The following SNX29 variants were observed in gnomAD, a reference collection of about 807,000 sequenced individuals.
SNX29 encodes the protein sorting nexin 29.
In SNX29, 78 loss-of-function variants were observed where a neutral mutation model predicts 102.1. The observed-to-expected ratio is 0.76, with a 90% CI of 0.64 to 0.92. SNX29 has a LOEUF of 0.92. Ranked by LOEUF, SNX29 falls within the 40% of genes least tolerant of loss-of-function variation. The probability of loss-of-function intolerance (pLI) is 0.00; values close to 1 mark genes in which losing one functional copy is unlikely to be tolerated. For synonymous variants in SNX29, 580 were observed against 414.5 expected, an observed-to-expected ratio of 1.40 and a Z score of -4.85; for missense variants, 1,280 against 1,061.7, an observed-to-expected ratio of 1.21 and a Z score of -2.86.
At chr16:12,254,624 G>A (rs1004957404) in intron 14 of SNX29, among the ~76,000 whole-genome samples, 3 of 151,586 alleles carry the variant, frequency 2.0e-5, no homozygotes, top group Non-Finnish European at 2.9e-5. Context: ...CTGGGTGACA[G>A]AGCACCAGAG....
At chr16:12,003,131 G>A in intron 3 of SNX29, 88 bp downstream of exon 3, 1 of 1,553,054 alleles carries the variant, frequency 6.4e-7, no homozygotes, top group Non-Finnish European at 8.9e-7. Flanking sequence ...GACCATCGAG[G>A]TTGGAAAGGC....
chr16:12,522,065 C>T (rs1468983069), intron 19 of SNX29, among the ~76,000 whole-genome samples: 5 of 152,090 alleles, frequency 3.3e-5, no homozygotes, highest in Non-Finnish European at 5.9e-5. Flanking sequence ...CCCGAGGGGC[C>T]CCTGCTGGCA....
chr16:12,319,041 T>A (rs2151166484), intron 15 of SNX29, among the ~76,000 whole-genome samples: 1 of 152,304 alleles, frequency 6.6e-6, no homozygotes, highest in East Asian at 1.9e-4. Flanking sequence ...CTGGGGAGTT[T>A]CTTCACATCC....
intron 14 of SNX29, among the ~76,000 whole-genome samples, chr16:12,264,501 G>GC (rs1261632040): frequency 6.6e-6 from 1 of 152,182 alleles, no homozygotes; most frequent in East Asian, 1.9e-4. Flanking sequence ...GCTCCACAGG[G>GC]CCGGGTGCTG....
rs760297791 is a variant in SNX29 at position 12,277,985 on chromosome 16, G to T, written c.1731G>T (p.Pro577=). The T allele has an allele frequency of 6.2e-7, 1 of 1,609,164 alleles. No homozygotes were observed. Among genetic ancestry groups the T allele is most frequent in the Admixed American group, 1.7e-5 (1 of 59,464 alleles). The change falls in exon 15 of 21, where the codon CCG becomes CCT. Residue 577 remains proline (P), a synonymous_variant. Coordinates refer to ENST00000566228, the MANE Select transcript of SNX29 (RefSeq NM_032167.5). ...DGEVTVAEQK[P]GEIAEELASS... ...AAGTTACAGTAGCTGAACAGAAGCC[G>T]GGAGAAATTGCTGAAGAACTCGCAA...
At chr16:12,496,938 A>T (rs192968382) in intron 19 of SNX29, among the ~76,000 whole-genome samples, 1 of 152,322 alleles carries the variant, frequency 6.6e-6, no homozygotes, top group African/African-American at 2.4e-5. Context: ...AGGTTCAGGC[A>T]TGCACTCGAT....
intron 18 of SNX29, among the ~76,000 whole-genome samples, chr16:12,470,839 G>A (rs1033289453): frequency 3.3e-5 from 5 of 152,218 alleles, no homozygotes; most frequent in Admixed American, 2.0e-4. Context: ...AAGGTGATAA[G>A]GGTTACAATA....
intron 20 of SNX29, among the ~76,000 whole-genome samples, chr16:12,554,293 CAT>C (rs1286153393): frequency 6.6e-6 from 1 of 152,224 alleles, no homozygotes; most frequent in Non-Finnish European, 1.5e-5. Flanking sequence ...GTGCTTGCTT[CAT>C]ATGAGGTTTC....
chr16:12,236,628 G>A (rs376713622), intron 14 of SNX29, among the ~76,000 whole-genome samples: 39 of 152,122 alleles, frequency 2.6e-4, no homozygotes, highest in African/African-American at 8.7e-4. Context: ...TGTCACTACC[G>A]CCATCTGTCC....
intron 19 of SNX29, among the ~76,000 whole-genome samples, chr16:12,507,014 C>G (rs543940636): frequency 6.6e-6 from 1 of 152,206 alleles, no homozygotes; most frequent in Admixed American, 6.5e-5. Context: ...AATTATTGTA[C>G]TGAACCTGTA....
chr16:12,401,266 G>T (rs1376624526), intron 17 of SNX29, among the ~76,000 whole-genome samples: 3 of 151,854 alleles, frequency 2.0e-5, no homozygotes, highest in South Asian at 2.1e-4. Context: ...AACTTTCCAG[G>T]AAAGACTGTA....
chr16:12,396,723 A>C (rs1250144266), intron 16 of SNX29, among the ~76,000 whole-genome samples: 1 of 152,152 alleles, frequency 6.6e-6, no homozygotes, highest in South Asian at 2.1e-4. Flanking sequence ...CATCTCTGAC[A>C]CCTTGCTTTC....
chr16:12,247,260 T>A (rs1459789837), intron 14 of SNX29, among the ~76,000 whole-genome samples: 1 of 152,112 alleles, frequency 6.6e-6, no homozygotes, highest in African/African-American at 2.4e-5. Context: ...ATGATGGGAA[T>A]TAAAATAAGT....
At chr16:12,085,066 C>A (rs1235096002) in intron 11 of SNX29, among the ~76,000 whole-genome samples, 1 of 151,624 alleles carries the variant, frequency 6.6e-6, no homozygotes, top group African/African-American at 2.4e-5. Flanking sequence ...CTAGACCCGT[C>A]TCAAAAAGAA....
chr16:12,530,552 T>C (rs79337052), intron 20 of SNX29, among the ~76,000 whole-genome samples: 1 of 148,828 alleles, frequency 6.7e-6, no homozygotes, highest in African/African-American at 2.5e-5. Context: ...TTTTTTTTTT[T>C]TGTTTTTTGT....
intron 18 of SNX29, 57 bp from the exon 19 acceptor site, chr16:12,477,662 T>C: frequency 6.3e-7 from 1 of 1,591,774 alleles, no homozygotes; most frequent in South Asian, 1.1e-5. Context: ...ATAGCCGAAA[T>C]CCTACTCCTT....
intron 20 of SNX29, among the ~76,000 whole-genome samples, chr16:12,561,639 G>C (rs1371637200): frequency 6.6e-6 from 1 of 151,988 alleles, no homozygotes; most frequent in Non-Finnish European, 1.5e-5. Context: ...TTATTAAAAA[G>C]AACAGCCACT....
chr16:12,172,657 G>C (rs1162542254), intron 13 of SNX29, among the ~76,000 whole-genome samples: 1 of 152,196 alleles, frequency 6.6e-6, no homozygotes. Flanking sequence ...CAGATATTAA[G>C]GGCTCAAAGA....
intron 20 of SNX29, among the ~76,000 whole-genome samples, chr16:12,553,201 TC>T (rs1427379102): frequency 2.0e-5 from 3 of 152,154 alleles, no homozygotes; most frequent in African/African-American, 7.2e-5. Flanking sequence ...TGCAGTTATT[TC>T]CAGTAGCCAT....
Sources: gnomAD v4.1 joint callset for allele counts (sites outside exome capture counted in the v4.1 genomes callset) on GRCh38, gnomAD v4.1.1 for gene constraint, MANE v1.5 for transcripts, NCBI Gene and HGNC (gene_info 2026-07-23, HGNC 2026-07-21) for gene names.